Variants in MRTFB observed in about 807,000 individuals in gnomAD.
MRTFB encodes the protein myocardin related transcription factor B.
MRTFB carries 29 observed loss-of-function variants against 104.2 expected under a neutral mutation model. The ratio of observed to expected loss-of-function variants is 0.28; its 90% CI spans 0.21 to 0.38. MRTFB has a LOEUF of 0.38. Ranked by LOEUF, MRTFB falls within the 10% of genes least tolerant of loss-of-function variation. MRTFB has a pLI of 1.00. For missense variants in MRTFB, 1,270 were observed against 1,341.6 expected (o/e 0.95, Z 0.83); for synonymous variants, 535 against 519.5 (o/e 1.03, Z -0.41).
the MRTFB span, among the ~76,000 whole-genome samples, chr16:14,046,269 T>C: frequency 6.6e-6 from 1 of 152,122 alleles, no homozygotes; most frequent in Admixed American, 6.5e-5. Flanking sequence ...GAGGTGGTAG[T>C]GATCCGTGAT....
the MRTFB span, among the ~76,000 whole-genome samples, chr16:14,017,974 G>A: frequency 6.6e-6 from 1 of 151,358 alleles, no homozygotes; most frequent in Non-Finnish European, 1.5e-5. Flanking sequence ...CTCCTGCCTC[G>A]ACCTCCCAAA....
At chr16:14,133,321 C>G (rs1003604663) in intron 2 of MRTFB, among the ~76,000 whole-genome samples, 1 of 152,202 alleles carries the variant, frequency 6.6e-6, no homozygotes, top group Admixed American at 6.5e-5. Context: ...CCTCTTTAAA[C>G]TTAGTTTTTC....
chr16:14,207,263 G>C (rs138633440), intron 3 of MRTFB, among the ~76,000 whole-genome samples: 1 of 152,312 alleles, frequency 6.6e-6, no homozygotes, highest in East Asian at 1.9e-4. Context: ...CCTTCAAGCA[G>C]TATAAGTAGG....
the MRTFB span, among the ~76,000 whole-genome samples, chr16:14,047,256 G>A: frequency 2.6e-5 from 4 of 152,198 alleles, no homozygotes; most frequent in African/African-American, 7.2e-5. Flanking sequence ...AGAGCATGCT[G>A]GTGCTGGTTC....
At chr16:14,153,800 A>G (rs150505537) in intron 3 of MRTFB, among the ~76,000 whole-genome samples, 98 of 152,270 alleles carry the variant, frequency 6.4e-4, no homozygotes, top group Admixed American at 9.2e-4. Context: ...ATAAATGTCA[A>G]TTAGGTTCAG....
the MRTFB span, among the ~76,000 whole-genome samples, chr16:14,042,810 C>T: frequency 6.6e-6 from 1 of 152,332 alleles, no homozygotes; most frequent in Non-Finnish European, 1.5e-5. Flanking sequence ...GCAGCGTTTA[C>T]CTCCACCTAG....
chr16:14,050,318 A>C, the MRTFB span, among the ~76,000 whole-genome samples: 1 of 152,204 alleles, frequency 6.6e-6, no homozygotes, highest in Non-Finnish European at 1.5e-5. Flanking sequence ...GCAAGCAAAC[A>C]AATAAAAACG....
intron 15 of MRTFB, 70 bp from the exon 16 acceptor site, chr16:14,258,031 G>T: frequency 7.6e-7 from 1 of 1,310,724 alleles, no homozygotes; most frequent in Non-Finnish European, 1.1e-6. Context: ...AAGTCCCTTA[G>T]GACTGCTAAT....
chr16:14,153,954 C>G (rs552437330), intron 3 of MRTFB, among the ~76,000 whole-genome samples: 1 of 152,030 alleles, frequency 6.6e-6, no homozygotes, highest in Non-Finnish European at 1.5e-5. Flanking sequence ...TATTAATAGC[C>G]CCTCTAAGTA....
chr16:14,159,116 T>TGTGA lies in MRTFB; in HGVS notation c.154+18358_154+18361dup, dbSNP rs1281975672. 3.3e-5 allele frequency among the ~76,000 whole-genome samples: 5 copies of TGTGA among 152,046 alleles called. No homozygotes were observed. In the South Asian group the frequency reaches 6.2e-4, roughly 19 times the overall value. ...CACTGCACTGTAGCCTGGGCAACAGTGTGAGACCTCACTAGGTGTGTTCAT... is the reference window on the plus strand; with the variant it reads ...CACTGCACTGTAGCCTGGGCAACAGTGTGAGTGAGACCTCACTAGGTGTGTTCAT... On this transcript the variant is annotated intron_variant, in intron 3 of 16. Coordinates refer to ENST00000571589, the MANE Select transcript of MRTFB (RefSeq NM_001308142.2).
At chr16:14,246,401 C>T (rs1263028851) in intron 11 of MRTFB, 72 bp from the exon 12 acceptor site, 4 of 1,478,410 alleles carry the variant, frequency 2.7e-6, no homozygotes, top group African/African-American at 2.8e-5. Context: ...GCACCTTTCC[C>T]ATCACAAAAG....
At chr16:14,207,565 T>G (rs2041005651) in intron 3 of MRTFB, among the ~76,000 whole-genome samples, 1 of 152,132 alleles carries the variant, frequency 6.6e-6, no homozygotes, top group South Asian at 2.1e-4. Context: ...GAGTGGTTTT[T>G]GTATGCTACT....
At position 14,252,414 on chromosome 16, in the gene MRTFB, T is replaced by G. The variant is rs1156622155; in HGVS notation, c.2615T>G (p.Phe872Cys). ...CAATTTGTCGTCCAGCACTCTCTAT[T>G]TGGGAGTCCAGTCGCCAAGACAAAA... ...PQQFVVQHSL[F>C]GSPVAKTKDP... Residue 872 changes from phenylalanine (F) to cysteine (C), a missense_variant, in exon 15 of 17, where the codon TTT (phenylalanine) becomes TGT (cysteine). By Grantham distance (205) the Phe-to-Cys change is radical (BLOSUM62 -2). Around this residue, in one of 3 missense-constraint regions of MRTFB, gnomAD observed 1,144 missense variants for 1,131.5 expected, o/e 1.01. Coordinates refer to ENST00000571589, the MANE Select transcript of MRTFB (RefSeq NM_001308142.2). The G allele has an allele frequency of 6.2e-7, 1 of 1,613,536 alleles. No individual in the cohort carries two copies. Among genetic ancestry groups the G allele is most frequent in the Non-Finnish European group, 8.5e-7 (1 of 1,179,902 alleles).
intron 6 of MRTFB, among the ~76,000 whole-genome samples, chr16:14,215,338 CACT>C (rs1307208467): frequency 1.3e-5 from 2 of 152,088 alleles, no homozygotes; most frequent in Non-Finnish European, 1.5e-5. Flanking sequence ...AAACCACCAC[CACT>C]CCCAACTGTA....
At position 14,262,642 on chromosome 16, in the gene MRTFB, A is replaced by G. The variant is rs997555656; in HGVS notation, c.*1198A>G. 12 of 152,228 alleles carry G rather than the reference A, an allele frequency of 7.9e-5. No individual in the cohort carries two copies. The highest frequency in any genetic ancestry group is 1.5e-5 in the Non-Finnish European group (1 of 68,036). 9.4% of individuals were successfully genotyped at this position (152,228 alleles called of 1,614,324 possible). A position where few individuals can be genotyped will look rare whatever the true frequency, so the allele number is the denominator to read the frequency against. On this transcript the variant is annotated 3_prime_UTR_variant, in exon 17 of 17. Transcript: ENST00000571589. ...GAGCTCTCACTATATTGTCAAGCCT[A>G]AGATTGAAAAACTGGAGGCTTTATT...
rs1299756409 is a variant in MRTFB, at chr16:14,263,692, G to A, written c.*2248G>A. 6.6e-6 allele frequency: 1 copy of A among 152,210 alleles called. No individual in the cohort carries two copies. The highest frequency in any genetic ancestry group is 2.4e-5 in the African/African-American group (1 of 41,436). 9.4% of individuals were successfully genotyped at this position (152,210 alleles called of 1,614,324 possible). ...TTGCTCTCCAAAAATACACAGTGCA[G>A]TGCAAGAAAATGCTATCTCATTGGC... On this transcript the variant is annotated 3_prime_UTR_variant, in exon 17 of 17. Transcript: ENST00000571589.
intron 3 of MRTFB, among the ~76,000 whole-genome samples, chr16:14,162,011 T>C (rs953020729): frequency 6.6e-6 from 1 of 152,012 alleles, no homozygotes; most frequent in African/African-American, 2.4e-5. Context: ...TGCGTGTATA[T>C]GTTCATCAAA....
Position 14,261,548 on chromosome 16 carries a change from A to G in MRTFB, c.*104A>G. On this transcript the variant is annotated 3_prime_UTR_variant, in exon 17 of 17. Transcript: ENST00000571589. ...CTATAGTTGCATTGTTGCAATCAAA[A>G]TATGTTGTCACAGAAAGAATAGGTG... The G allele has an allele frequency of 8.4e-7, 1 of 1,194,468 alleles. No homozygotes were observed. Among genetic ancestry groups the G allele is most frequent in the Non-Finnish European group, 1.2e-6 (1 of 859,392 alleles). 74.0% of individuals were successfully genotyped at this position (1,194,468 alleles called of 1,614,324 possible). A position where few individuals can be genotyped will look rare whatever the true frequency, so the allele number is the denominator to read the frequency against.
Position 14,217,176 on chromosome 16 carries a change from G to A in MRTFB, c.403G>A (p.Ala135Thr). The A allele has an allele frequency of 6.2e-7, 1 of 1,613,866 alleles. No homozygotes were observed. The highest frequency in any genetic ancestry group is 8.5e-7 in the Non-Finnish European group (1 of 1,179,880). Residue 135 changes from alanine to threonine, a missense_variant, in exon 7 of 17, where the codon GCT becomes ACT. Around this residue, in one of 3 missense-constraint regions of MRTFB, gnomAD observed 64 missense variants for 152.9 expected, o/e 0.42. Transcript: ENST00000571589. ...LQATQMKLKR[A>T]RLADDLNEKI... ...GGCTACTCAGATGAAGTTGAAAAGAGCTCGACTAGCAGATGATCTGAATGA... is the reference window on the plus strand; with the variant it reads ...GGCTACTCAGATGAAGTTGAAAAGAACTCGACTAGCAGATGATCTGAATGA...
Sources: gnomAD v4.1 joint callset for allele counts (sites outside exome capture counted in the v4.1 genomes callset) on GRCh38, gnomAD v4.1.1 for gene constraint, gnomAD v4.1.1 regional missense constraint, MANE v1.5 for transcripts, NCBI Gene and HGNC (gene_info 2026-07-23, HGNC 2026-07-21) for gene names.